Variants in RGS7 observed in about 807,000 individuals in gnomAD.
The protein encoded by RGS7 is regulator of G protein signaling 7, also known as regulator of G-protein signaling 7.
Under a neutral mutation model 81.1 loss-of-function variants are expected in RGS7, and 27 were observed. That is an observed-to-expected ratio of 0.33 (90% CI 0.25 to 0.46). RGS7 has a LOEUF of 0.46. Ranked by LOEUF, RGS7 falls within the 20% of genes least tolerant of loss-of-function variation. The pLI, the probability that RGS7 is intolerant of heterozygous loss-of-function variation, is 1.00. For missense variants in RGS7, 396 were observed against 607.4 expected (o/e 0.65, Z 3.66); for synonymous variants, 208 against 207.7 (o/e 1.00, Z -0.01).
intron 2 of RGS7, among the ~76,000 whole-genome samples, chr1:241,201,465 C>CCAGAGCCTCTGTGCATACAA (rs1391334972): frequency 3.3e-5 from 5 of 152,142 alleles, no homozygotes; most frequent in Non-Finnish European, 7.4e-5. Context: ...TGGAGCCTCA[C>CCAGAGCCTCTGTGCATACAA]CAGAGTGTGC....
intron 2 of RGS7, among the ~76,000 whole-genome samples, chr1:241,338,522 T>C (rs11805225): frequency 0.038 from 5,812 of 152,154 alleles, 386 homozygotes; most frequent in African/African-American, 0.13. Flanking sequence ...TTTAAAAAAA[T>C]GTTTCTTCTT....
intron 2 of RGS7, among the ~76,000 whole-genome samples, chr1:241,326,140 A>ATTCCCCC (rs2081478823): frequency 6.6e-6 from 1 of 152,172 alleles, no homozygotes; most frequent in African/African-American, 2.4e-5. Context: ...GTACTCAAAC[A>ATTCCCCC]GAGGTGTCTC....
chr1:240,861,586 CAGTCATTTTCAT>C (rs375792666), intron 9 of RGS7, among the ~76,000 whole-genome samples: 65 of 152,140 alleles, frequency 4.3e-4, no homozygotes, highest in African/African-American at 1.5e-3. Context: ...TTTTATTTTC[CAGTCATTTTCAT>C]AGTAGTCATA....
intron 3 of RGS7, among the ~76,000 whole-genome samples, chr1:240,996,290 T>A (rs1177614096): frequency 6.6e-6 from 1 of 152,166 alleles, no homozygotes; most frequent in East Asian, 1.9e-4. Flanking sequence ...AGTTGGAATA[T>A]CCTGTAATCA....
At position 241,248,763 on chromosome 1, in the gene RGS7, G is replaced by C. The variant is rs574250086; in HGVS notation, c.78+106936C>G. 3.7e-3 allele frequency among the ~76,000 whole-genome samples: 557 copies of C among 152,202 alleles called. 4 individuals carry two copies. The highest frequency in any genetic ancestry group is 3.2e-3 in the Non-Finnish European group (220 of 68,012). On this transcript the variant is annotated intron_variant, in intron 2 of 18. Transcript: ENST00000440928. ...TGTTAGGGATTCAAACACGAGCAAG[G>C]CATATCCCTCCTTTTCGGATGAGTG...
At chr1:240,998,504 G>T in intron 3 of RGS7, 1 of 1,048,286 alleles carries the variant, frequency 9.5e-7, no homozygotes, top group Non-Finnish European at 1.4e-6. Context: ...TTCTTTCTTT[G>T]CTTCCACTTT....
At chr1:241,282,834 T>C (rs1448205322) in intron 2 of RGS7, among the ~76,000 whole-genome samples, 1 of 152,224 alleles carries the variant, frequency 6.6e-6, no homozygotes, top group Non-Finnish European at 1.5e-5. Flanking sequence ...ACGAGCTTTT[T>C]CCTCTTTAGC....
intron 4 of RGS7, among the ~76,000 whole-genome samples, chr1:240,976,856 T>C (rs1408893516): frequency 1.4e-5 from 1 of 73,062 alleles, no homozygotes; most frequent in African/African-American, 3.7e-5. Context: ...CATCTATCTA[T>C]CTACCATCCA....
At chr1:241,270,104 C>A (rs1996804) in intron 2 of RGS7, among the ~76,000 whole-genome samples, 145,400 of 152,230 alleles carry the variant, frequency 0.96, 69,829 homozygotes, top group East Asian at 1. Flanking sequence ...AACTCTGCTT[C>A]AGCCTCACCC....
At chr1:241,045,469 T>C (rs1297005901) in intron 3 of RGS7, among the ~76,000 whole-genome samples, 1 of 152,182 alleles carries the variant, frequency 6.6e-6, no homozygotes, top group Non-Finnish European at 1.5e-5. Context: ...ATTCAAGAGA[T>C]TCTCCTGCCT....
intron 4 of RGS7, among the ~76,000 whole-genome samples, chr1:240,952,463 A>C (rs1679724028): frequency 6.6e-6 from 1 of 152,006 alleles, no homozygotes; most frequent in Non-Finnish European, 1.5e-5. Context: ...GTATATCGTA[A>C]ACTCTAGAAC....
chr1:240,881,149 T>C (rs1169432745), intron 6 of RGS7, among the ~76,000 whole-genome samples: 1 of 152,188 alleles, frequency 6.6e-6, no homozygotes, highest in Non-Finnish European at 1.5e-5. Context: ...AACAGCATTT[T>C]CATGGAATAT....
rs60402249 is a variant in RGS7 at position 241,318,492 on chromosome 1, T to C, written c.78+37207A>G. ...TTTTTCCCAGACAGAGTTTCACTCT[T>C]GTTGCCCAGGCTGGAGTGCAATGGT... On this transcript the variant is annotated intron_variant, in intron 2 of 18. Coordinates refer to ENST00000440928, the MANE Select transcript of RGS7 (RefSeq NM_001364886.1). Among the ~76,000 whole-genome samples the C allele has an allele frequency of 7.7e-3, 1,171 of 152,176 alleles. 16 individuals are homozygous for C. The highest frequency in any genetic ancestry group is 0.027 in the African/African-American group (1,121 of 41,508).
intron 4 of RGS7, among the ~76,000 whole-genome samples, chr1:240,967,896 A>G (rs1682597112): frequency 6.6e-6 from 1 of 152,176 alleles, no homozygotes; most frequent in African/African-American, 2.4e-5. Flanking sequence ...GCTTTTAAAG[A>G]ATCCAAAATG....
At chr1:241,215,709 T>G (rs552099005) in intron 2 of RGS7, among the ~76,000 whole-genome samples, 1 of 152,286 alleles carries the variant, frequency 6.6e-6, no homozygotes, top group East Asian at 1.9e-4. Context: ...AAAAAAACAG[T>G]GTGTATCTTA....
intron 9 of RGS7, among the ~76,000 whole-genome samples, chr1:240,841,315 G>A (rs10802910): frequency 0.67 from 101,712 of 151,932 alleles, 34,433 homozygotes; most frequent in Middle Eastern, 0.76. Context: ...TGTTTAAAGC[G>A]GTTCCCATCT....
intron 2 of RGS7, among the ~76,000 whole-genome samples, chr1:241,134,526 T>A (rs546898565): frequency 5.8e-4 from 88 of 152,300 alleles, no homozygotes; most frequent in African/African-American, 2.0e-3. Flanking sequence ...CTGGACTGAA[T>A]ACTGAATTAG....
intron 9 of RGS7, among the ~76,000 whole-genome samples, chr1:240,855,168 T>C (rs1199167127): frequency 6.6e-6 from 1 of 151,912 alleles, no homozygotes; most frequent in Non-Finnish European, 1.5e-5. Context: ...GGGATCATAT[T>C]ACATATAACC....
chr1:240,971,486 C>A (rs545229063), intron 4 of RGS7, among the ~76,000 whole-genome samples: 2 of 152,138 alleles, frequency 1.3e-5, no homozygotes, highest in Non-Finnish European at 2.9e-5. Context: ...ATAAGTAGAA[C>A]TACATATAAG....
Sources: allele counts gnomAD v4.1 joint callset (sites outside exome capture counted in the v4.1 genomes callset), GRCh38; gene constraint gnomAD v4.1.1; transcripts MANE v1.5; gene names NCBI Gene and HGNC (gene_info 2026-07-23, HGNC 2026-07-21).